The following CKAP2L variants were observed in gnomAD, a reference collection of about 807,000 sequenced individuals.
CKAP2L encodes the protein cytoskeleton-associated protein 2-like.
In CKAP2L, 42 loss-of-function variants were observed where a neutral mutation model predicts 65.7. The ratio of observed to expected loss-of-function variants is 0.64; its 90% CI spans 0.50 to 0.83. The LOEUF (loss-of-function observed/expected upper bound fraction) is 0.83, where lower values mean the gene tolerates loss of function less well. Ranked by LOEUF, CKAP2L falls within the 40% of genes least tolerant of loss-of-function variation. The pLI is 0.00. For synonymous variants in CKAP2L, 325 were observed against 313.5 expected (o/e 1.04, Z -0.39); for missense variants, 908 against 871.0 (o/e 1.04, Z -0.53).
intron 5 of CKAP2L, among the ~76,000 whole-genome samples, 196 bp downstream of exon 5, chr2:112,752,071 C>G (rs1574331508): frequency 6.6e-6 from 1 of 152,134 alleles, no homozygotes; most frequent in South Asian, 2.1e-4. Context: ...ATAATCTTAG[C>G]TAAGTGCTTA....
At position 112,757,556 on chromosome 2, in the gene CKAP2L, T is replaced by C. The variant is rs147355866; in HGVS notation, c.157-342A>G. On this transcript the variant is annotated intron_variant, in intron 3 of 8. Coordinates refer to ENST00000302450, the MANE Select transcript of CKAP2L (RefSeq NM_152515.5). Reference sequence around the variant, plus strand: ...GGCGCATGTCACTACACCTGGCTACTTTTTTGTATTTTTAGTAAAGTTGGG... The same window carrying C: ...GGCGCATGTCACTACACCTGGCTACCTTTTTGTATTTTTAGTAAAGTTGGG... 8.0e-3 allele frequency among the ~76,000 whole-genome samples: 1,220 copies of C among 152,142 alleles called. 21 individuals carry two copies. Among genetic ancestry groups the C allele is most frequent in the African/African-American group, 0.027 (1,127 of 41,494 alleles).
chr2:112,752,647 G>A (rs954713448), intron 4 of CKAP2L, among the ~76,000 whole-genome samples, 173 bp from the exon 5 acceptor site: 3 of 151,958 alleles, frequency 2.0e-5, no homozygotes, highest in South Asian at 2.1e-4. Flanking sequence ...ATTGGGTTGC[G>A]CCCACCCACG....
intron 8 of CKAP2L, 65 bp downstream of exon 8, chr2:112,740,753 G>A: frequency 7.3e-7 from 1 of 1,366,106 alleles, no homozygotes; most frequent in Non-Finnish European, 1.0e-6. Context: ...ATCTGTGAAG[G>A]AAAAATCGAG....
chr2:112,755,588 A>T (rs757882520), intron 4 of CKAP2L, among the ~76,000 whole-genome samples: 26 of 152,118 alleles, frequency 1.7e-4, no homozygotes, highest in Non-Finnish European at 3.5e-4. Flanking sequence ...GGTTTGCTTG[A>T]CAAGAGATTA....
chr2:112,747,017 C>G lies in CKAP2L; in HGVS notation c.1603-442G>C, dbSNP rs1177695963. On this transcript the variant is annotated intron_variant, in intron 5 of 8. Transcript: ENST00000302450. ...TGTTAGCCAGGATGGTCTTGATCTC[C>G]TGACCTCGTGATCCGCCCACCTCAG... 1.3e-5 allele frequency among the ~76,000 whole-genome samples: 2 copies of G among 152,090 alleles called. 1 individual carries two copies. Among genetic ancestry groups the G allele is most frequent in the South Asian group, 4.2e-4 (2 of 4,814 alleles).
chr2:112,762,593 AC>A (rs1680758893), intron 1 of CKAP2L, 24 bp from the exon 2 acceptor site: 1 of 1,589,940 alleles, frequency 6.3e-7, no homozygotes, highest in African/African-American at 1.3e-5. Context: ...AAGCAAACAA[AC>A]GACATAACTT....
At chr2:112,752,794 A>G (rs1168073867) in intron 4 of CKAP2L, among the ~76,000 whole-genome samples, 1 of 152,148 alleles carries the variant, frequency 6.6e-6, no homozygotes, top group Non-Finnish European at 1.5e-5. Flanking sequence ...TTCCTAAGAC[A>G]TCCCTCTATT....
Position 112,756,828 on chromosome 2 carries a change from T to C in CKAP2L, c.543A>G (p.Lys181=). 1 of 1,601,476 alleles carries C rather than the reference T, an allele frequency of 6.2e-7. No individual in the cohort carries two copies. The highest frequency in any genetic ancestry group is 8.5e-7 in the Non-Finnish European group (1 of 1,176,444). ...CGAGCAAGTTCTCTTTGTTTGTTTC[T>C]TTTAGAAAGTTATCCAAAGATTCGT... ...VENESLDNFL[K]ETNKENLLDI... Residue 181 remains lysine (K), a synonymous_variant, in exon 4 of 9, where the codon AAA becomes AAG. Transcript: ENST00000302450.
chr2:112,743,286 G>A (rs1280629750), intron 6 of CKAP2L, among the ~76,000 whole-genome samples: 2 of 151,980 alleles, frequency 1.3e-5, no homozygotes, highest in Admixed American at 1.3e-4. Flanking sequence ...GGGACTACAG[G>A]CGCCCACCAC....
At chr2:112,748,866 TAAAA>T (rs200133244) in intron 5 of CKAP2L, among the ~76,000 whole-genome samples, 1 of 134,636 alleles carries the variant, frequency 7.4e-6, no homozygotes, top group African/African-American at 2.7e-5. Context: ...CCCTGTCTCT[TAAAA>T]AAAAAAAAAA....
At position 112,737,159 on chromosome 2, in the gene CKAP2L, T is replaced by A. The variant is rs1430431174; in HGVS notation, c.*1664A>T. On this transcript the variant is annotated 3_prime_UTR_variant, in exon 9 of 9. Coordinates refer to ENST00000302450, the MANE Select transcript of CKAP2L (RefSeq NM_152515.5). ...TCAAGCTGGTCTTGAACTCCTGACC[T>A]CAGGTGATTCACCCACTCCAAAGTG... 1 of 152,222 alleles carries A rather than the reference T, an allele frequency of 6.6e-6. No individual in the cohort carries two copies. The highest frequency in any genetic ancestry group is 1.5e-5 in the Non-Finnish European group (1 of 68,068). The allele number at this position is 152,222 out of a possible 1,614,324, so 9.4% of individuals were successfully genotyped here. A position where few individuals can be genotyped will look rare whatever the true frequency, so the allele number is the denominator to read the frequency against.
chr2:112,755,808 C>T (rs1354358269), intron 4 of CKAP2L, among the ~76,000 whole-genome samples, 169 bp downstream of exon 4: 4 of 151,782 alleles, frequency 2.6e-5, no homozygotes, highest in Non-Finnish European at 5.9e-5. Flanking sequence ...TACCACCTAG[C>T]CCTGTCAAGT....
rs1165912907 is a variant in CKAP2L, at chr2:112,752,397, T to A, written c.1472A>T (p.Lys491Ile). 1 of 1,612,652 alleles carries A rather than the reference T, an allele frequency of 6.2e-7. No homozygotes were observed. The highest frequency in any genetic ancestry group is 8.5e-7 in the Non-Finnish European group (1 of 1,178,828). Residue 491 changes from lysine (K) to isoleucine (I), a missense_variant, in exon 5 of 9, where the codon AAA (lysine) becomes ATA (isoleucine). Transcript: ENST00000302450. ...TGAAATATTCATTTCCTTTATTACT[T>A]TTCTTTTTGTTTTAAGTTCCATAGG... ...RPPMELKTKR[K>I]VIKEMNISFW...
intron 7 of CKAP2L, 109 bp downstream of exon 7, chr2:112,742,597 G>T: frequency 1.3e-6 from 1 of 785,858 alleles, no homozygotes; most frequent in Non-Finnish European, 2.2e-6. Flanking sequence ...AAACCAAGAA[G>T]TGAGAAGCAT....
At chr2:112,739,556 G>A (rs1052574142) in intron 8 of CKAP2L, among the ~76,000 whole-genome samples, 10 of 152,190 alleles carry the variant, frequency 6.6e-5, no homozygotes, top group African/African-American at 2.2e-4. Context: ...TTGGCAGTTG[G>A]TGTTCATTTA....
At chr2:112,755,099 C>T (rs1680489694) in intron 4 of CKAP2L, among the ~76,000 whole-genome samples, 1 of 152,168 alleles carries the variant, frequency 6.6e-6, no homozygotes, top group Non-Finnish European at 1.5e-5. Context: ...TAGCAACCAT[C>T]TAATTTTACA....
At chr2:112,757,264 T>G in intron 3 of CKAP2L, 50 bp from the exon 4 acceptor site, 1 of 1,279,110 alleles carries the variant, frequency 7.8e-7, no homozygotes. Context: ...CATATCTTAT[T>G]GTTTTTAAAA....
intron 4 of CKAP2L, among the ~76,000 whole-genome samples, chr2:112,755,701 C>T (rs887504985): frequency 3.3e-5 from 5 of 151,852 alleles, no homozygotes; most frequent in Admixed American, 6.6e-5. Flanking sequence ...GCACCCCCTA[C>T]TTCTTACTCA....
chr2:112,744,116 C>T (rs570568097), intron 6 of CKAP2L, among the ~76,000 whole-genome samples: 12 of 152,134 alleles, frequency 7.9e-5, no homozygotes, highest in Non-Finnish European at 1.5e-4. Flanking sequence ...TTCTATACAA[C>T]ATTCATCAAG....
Sources: gnomAD v4.1 joint callset for allele counts (sites outside exome capture counted in the v4.1 genomes callset) on GRCh38, gnomAD v4.1.1 for gene constraint, MANE v1.5 for transcripts, NCBI Gene and HGNC (gene_info 2026-07-23, HGNC 2026-07-21) for gene names.